ZNF704: variants seen among roughly 807,000 people sequenced by gnomAD.
ZNF704 encodes zinc finger protein 704.
A neutral mutation model predicts 44.7 loss-of-function variants in ZNF704; 10 were observed. The ratio of observed to expected loss-of-function variants is 0.22; its 90% confidence interval spans 0.14 to 0.38. The LOEUF is 0.38. Among genes scored for constraint, ZNF704 ranks in the 10% least tolerant of loss-of-function variants. The pLI, the probability that ZNF704 is intolerant of heterozygous loss-of-function variation, is 1.00. For missense variants in ZNF704, 390 were observed against 545.5 expected (o/e 0.71, Z 2.84); for synonymous variants, 211 against 207.6 (o/e 1.02, Z -0.14).
At chr8:80,810,304 C>T (rs1808061520) in intron 2 of ZNF704, among the ~76,000 whole-genome samples, 1 of 152,072 alleles carries the variant, frequency 6.6e-6, no homozygotes, top group Admixed American at 6.5e-5. Flanking sequence ...TTTCTCCACC[C>T]AGAACTCTAT....
At chr8:80,854,421 C>T (rs1339371475) in intron 1 of ZNF704, among the ~76,000 whole-genome samples, 1 of 152,174 alleles carries the variant, frequency 6.6e-6, no homozygotes, top group African/African-American at 2.4e-5. Flanking sequence ...GAGCTTGGAT[C>T]TCCTTTCCAA....
chr8:80,772,610 C>A (rs1411021555), intron 2 of ZNF704, among the ~76,000 whole-genome samples: 3 of 152,098 alleles, frequency 2.0e-5, no homozygotes, highest in Non-Finnish European at 4.4e-5. Context: ...CAGAAACCAC[C>A]CCCATGATCC....
In ZNF704 at chr8:80,629,648, T is replaced by C. The variant is rs1421860571; in HGVS notation, c.*11718A>G. 2 of 152,060 alleles carry C rather than the reference T, an allele frequency of 1.3e-5. No individual in the cohort carries two copies. Among genetic ancestry groups the C allele is most frequent in the Admixed American group, 6.5e-5 (1 of 15,276 alleles). 9.4% of individuals were successfully genotyped at this position (152,060 alleles called of 1,614,324 possible). ...GCTGAAGAAATTTGTGGATATTCTA[T>C]ATAGACTTTCCAAAATATAAGTAAT... On this transcript the variant is annotated 3_prime_UTR_variant, in exon 9 of 9. Transcript: ENST00000327835.
intron 2 of ZNF704, among the ~76,000 whole-genome samples, chr8:80,725,624 T>G (rs1349510150): frequency 6.6e-6 from 1 of 152,158 alleles, no homozygotes; most frequent in Non-Finnish European, 1.5e-5. Context: ...TGAATGACCT[T>G]GATTTGTCCA....
In ZNF704 at chr8:80,819,935, G is replaced by A. The variant is rs533244087; in HGVS notation, c.221+1439C>T. Among the ~76,000 whole-genome samples the A allele has an allele frequency of 3.0e-4, 45 of 152,220 alleles. 1 individual carries two copies. Among genetic ancestry groups the A allele is most frequent in the Admixed American group, 2.2e-3 (34 of 15,292 alleles). On this transcript the variant is annotated intron_variant, in intron 2 of 8. Transcript: ENST00000327835. ...AGAAATGAAACGTTAATTACAAAAC[G>A]TGAACAGGCAGGAAAGGCACATTTA...
Position 80,637,613 on chromosome 8 carries a change from CTCTT to C in ZNF704, c.*3749_*3752del, listed in dbSNP as rs1435649167. 6.6e-6 allele frequency: 1 copy of C among 152,182 alleles called. No homozygotes were observed. Among genetic ancestry groups the C allele is most frequent in the African/African-American group, 2.4e-5 (1 of 41,446 alleles). The allele number at this position is 152,182 out of a possible 1,614,324, so 9.4% of individuals were successfully genotyped here. On this transcript the variant is annotated 3_prime_UTR_variant, in exon 9 of 9. Coordinates refer to ENST00000327835, the MANE Select transcript of ZNF704 (RefSeq NM_001033723.3). The stretch of plus-strand genomic sequence containing the variant: ...TTGCAACATATACACATGTGACTAT[CTCTT>C]TGAAAAGTTTTTAGAAAGGTCAAGA...
intron 2 of ZNF704, among the ~76,000 whole-genome samples, chr8:80,695,883 T>A (rs1166204780): frequency 6.6e-6 from 1 of 152,172 alleles, no homozygotes; most frequent in African/African-American, 2.4e-5. Flanking sequence ...GCACTGGAAA[T>A]CACTAACAAC....
intron 2 of ZNF704, among the ~76,000 whole-genome samples, chr8:80,762,363 G>A (rs1373377945): frequency 1.7e-4 from 26 of 152,162 alleles, no homozygotes; most frequent in Admixed American, 1.6e-3. Flanking sequence ...CATGACTGGG[G>A]AGGCCTCAGC....
At chr8:80,833,038 C>A (rs1461979333) in intron 1 of ZNF704, among the ~76,000 whole-genome samples, 2 of 151,964 alleles carry the variant, frequency 1.3e-5, no homozygotes, top group East Asian at 3.9e-4. Context: ...ACATTTGATT[C>A]TCTCAATTAA....
chr8:80,837,304 C>T (rs1808599390), intron 1 of ZNF704, among the ~76,000 whole-genome samples: 1 of 152,154 alleles, frequency 6.6e-6, no homozygotes, highest in Admixed American at 6.5e-5. Flanking sequence ...GCATGGAGGA[C>T]TTTGCCTCCA....
intron 2 of ZNF704, among the ~76,000 whole-genome samples, chr8:80,758,747 AAT>A (rs1371330407): frequency 6.6e-6 from 1 of 152,150 alleles, no homozygotes; most frequent in Non-Finnish European, 1.5e-5. Flanking sequence ...TTCATATTTT[AAT>A]ATGTTTGAAA....
intron 1 of ZNF704, 72 bp from the exon 2 acceptor site, chr8:80,821,687 G>A (rs1808274375): frequency 8.8e-7 from 1 of 1,137,582 alleles, no homozygotes; most frequent in Non-Finnish European, 1.3e-6. Flanking sequence ...AGATGGCGGT[G>A]AGGAGAGATT....
chr8:80,647,981 A>C (rs903846507), intron 7 of ZNF704, among the ~76,000 whole-genome samples: 2 of 152,176 alleles, frequency 1.3e-5, no homozygotes, highest in African/African-American at 4.8e-5. Flanking sequence ...TGGAAAGTCC[A>C]AGGTTGAGGG....
chr8:80,704,166 C>A (rs117394076), intron 2 of ZNF704, among the ~76,000 whole-genome samples: 2,475 of 152,282 alleles, frequency 0.016, 34 homozygotes, highest in Non-Finnish European at 0.027. Flanking sequence ...AGTTTCAAAT[C>A]CCCTGAAAAT....
upstream of ZNF704, among the ~76,000 whole-genome samples, chr8:80,876,932 G>T (rs966974071): frequency 1.3e-5 from 2 of 152,096 alleles, no homozygotes; most frequent in Non-Finnish European, 2.9e-5. Flanking sequence ...CAAGCATGTA[G>T]CTTTTTGTGC....
At chr8:80,864,357 A>C (rs1319282376) in intron 1 of ZNF704, among the ~76,000 whole-genome samples, 1 of 152,194 alleles carries the variant, frequency 6.6e-6, no homozygotes, top group Admixed American at 6.5e-5. Context: ...TCCCAAAGGA[A>C]AGATGCTCTA....
At chr8:80,656,839 C>A (rs534124440) in intron 7 of ZNF704, among the ~76,000 whole-genome samples, 1 of 152,030 alleles carries the variant, frequency 6.6e-6, no homozygotes, top group African/African-American at 2.4e-5. Context: ...TTTTAGAGTA[C>A]AAGGATAAAG....
rs75309399 is a variant in ZNF704 at position 80,638,034 on chromosome 8, A to G, written c.*3332T>C. ...TGGTGACCACCAGCTGATCAGCACC[A>G]AGAAGATGAGCAAGAGCCAGGTGTC... On this transcript the variant is annotated 3_prime_UTR_variant, in exon 9 of 9. Transcript: ENST00000327835. The G allele has an allele frequency of 0.058, 8,853 of 152,294 alleles. 279 individuals are homozygous for G. Among genetic ancestry groups the G allele is most frequent in the Middle Eastern group, 0.092 (27 of 294 alleles). 9.4% of individuals were successfully genotyped at this position (152,294 alleles called of 1,614,324 possible). A position where few individuals can be genotyped will look rare whatever the true frequency, so the allele number is the denominator to read the frequency against.
chr8:80,865,141 G>A (rs561992761), intron 1 of ZNF704, among the ~76,000 whole-genome samples: 47 of 152,098 alleles, frequency 3.1e-4, no homozygotes, highest in Non-Finnish European at 5.4e-4. Context: ...AATAACTGCA[G>A]GATTTTTGAT....
Sources: allele counts gnomAD v4.1 joint callset (sites outside exome capture counted in the v4.1 genomes callset), GRCh38; gene constraint gnomAD v4.1.1; transcripts MANE v1.5; gene names NCBI Gene and HGNC (gene_info 2026-07-23, HGNC 2026-07-21).